Variants in RASSF3 observed in about 807,000 individuals in gnomAD.
RASSF3 encodes the protein Ras association domain family member 3, also known as ras association domain-containing protein 3.
A neutral mutation model predicts 19.9 loss-of-function variants in RASSF3; 19 were observed. The ratio of observed to expected loss-of-function variants is 0.96; its 90% confidence interval spans 0.67 to 1.40. The LOEUF is 1.40. Among genes scored for constraint, RASSF3 ranks in the 40% most tolerant of loss-of-function variants. The pLI, the probability that RASSF3 is intolerant of heterozygous loss-of-function variation, is 0.00. For missense variants in RASSF3, 306 were observed against 289.8 expected, an observed-to-expected ratio of 1.06 and a Z score of -0.41; for synonymous variants, 110 against 104.2, an observed-to-expected ratio of 1.06 and a Z score of -0.34.
intron 1 of RASSF3, among the ~76,000 whole-genome samples, chr12:64,536,419 T>C (rs1476230308): frequency 6.6e-6 from 1 of 152,176 alleles, no homozygotes; most frequent in Non-Finnish European, 1.5e-5. Flanking sequence ...GAAACAAAAA[T>C]GCATCAAAAG....
At chr12:64,677,726 C>T (rs528206564) in intron 1 of RASSF3, among the ~76,000 whole-genome samples, 3 of 152,314 alleles carry the variant, frequency 2.0e-5, no homozygotes, top group East Asian at 1.9e-4. Context: ...GGAAGACCCT[C>T]CTAGGGCTTT....
intron 1 of RASSF3, among the ~76,000 whole-genome samples, chr12:64,667,103 G>C (rs1051498707): frequency 2.0e-4 from 30 of 151,950 alleles, no homozygotes; most frequent in African/African-American, 7.2e-4. Context: ...GAAATGGGGG[G>C]GTGTGGAGAA....
chr12:64,622,666 C>G (rs1394213798), intron 1 of RASSF3: 1 of 267,968 alleles, frequency 3.7e-6, no homozygotes, highest in Non-Finnish European at 7.4e-6. Context: ...CTGATTAACT[C>G]CTACTTTAAA....
At chr12:64,668,057 C>T (rs1165664505) in intron 1 of RASSF3, among the ~76,000 whole-genome samples, 2 of 152,218 alleles carry the variant, frequency 1.3e-5, no homozygotes, top group South Asian at 4.1e-4. Flanking sequence ...GTGTTCACCA[C>T]ATTCTGCTTC....
intron 1 of RASSF3, among the ~76,000 whole-genome samples, chr12:64,641,414 A>ACACACACACGCGCGCGCGCGCG: frequency 1.5e-4 from 21 of 142,096 alleles, no homozygotes; most frequent in African/African-American, 5.9e-4. Context: ...ACACACACAC[A>ACACACACACGCGCGCGCGCGCG]CGCGCGCGCG....
At position 64,622,827 on chromosome 12, in the gene RASSF3, CT is replaced by C. The variant is rs1176018517; in HGVS notation, c.111+12095del. 5.0e-3 allele frequency among the ~76,000 whole-genome samples: 720 copies of C among 145,054 alleles called. 4 individuals are homozygous for C. The highest frequency in any genetic ancestry group is 0.016 in the African/African-American group (631 of 39,812). The stretch of plus-strand genomic sequence containing the variant: ...ACTGTGAAAATTTTCTTTTTTCTTT[CT>C]TTTTTTTTTTGAGATGGAGTCTTGC... On this transcript the variant is annotated intron_variant, in intron 1 of 4. Transcript: ENST00000542104.
intron 2 of RASSF3, among the ~76,000 whole-genome samples, chr12:64,590,277 A>G (rs1213815650): frequency 1.3e-5 from 2 of 151,990 alleles, no homozygotes; most frequent in Non-Finnish European, 2.9e-5. Context: ...GCCCTGTAAC[A>G]ATGTGTTCTG....
chr12:64,636,831 C>T (rs150421517), intron 1 of RASSF3, among the ~76,000 whole-genome samples: 384 of 149,382 alleles, frequency 2.6e-3, no homozygotes, highest in Middle Eastern at 0.01. Context: ...CGCCATTGCA[C>T]TCCAGCCTGG....
intron 1 of RASSF3, among the ~76,000 whole-genome samples, chr12:64,683,734 T>C (rs1181039855): frequency 6.6e-6 from 1 of 152,212 alleles, no homozygotes; most frequent in African/African-American, 2.4e-5. Context: ...TGTCTTTAAA[T>C]GTTGTTTAAA....
intron 2 of RASSF3, among the ~76,000 whole-genome samples, chr12:64,554,000 A>AAG (rs1449175030): frequency 3.3e-5 from 5 of 150,376 alleles, no homozygotes; most frequent in African/African-American, 1.2e-4. Context: ...AAAAGAAAGA[A>AAG]AAAAAAAAGT....
At chr12:64,648,188 TAGTG>T (rs1373068583) in intron 1 of RASSF3, among the ~76,000 whole-genome samples, 1 of 152,184 alleles carries the variant, frequency 6.6e-6, no homozygotes, top group East Asian at 1.9e-4. Flanking sequence ...GGCATAAACT[TAGTG>T]AGTAGGTGGC....
At chr12:64,577,553 G>A (rs1245084920) in intron 2 of RASSF3, among the ~76,000 whole-genome samples, 1 of 151,542 alleles carries the variant, frequency 6.6e-6, no homozygotes, top group African/African-American at 2.4e-5. Flanking sequence ...CAACATGGGG[G>A]AATCCCCGTC....
intron 3 of RASSF3, among the ~76,000 whole-genome samples, chr12:64,688,711 TGGG>T (rs1321928528): frequency 6.6e-6 from 1 of 151,262 alleles, no homozygotes; most frequent in Non-Finnish European, 1.5e-5. Flanking sequence ...GTGGTGTTGG[TGGG>T]GGGATGGGGC....
chr12:64,519,789 C>T (rs766518250), intron 1 of RASSF3, among the ~76,000 whole-genome samples: 39 of 151,728 alleles, frequency 2.6e-4, no homozygotes, highest in Non-Finnish European at 4.4e-4. Context: ...TATATAAACA[C>T]GTATATATGT....
downstream of RASSF3, among the ~76,000 whole-genome samples, chr12:64,544,677 T>G (rs1308184409): frequency 6.6e-6 from 1 of 151,970 alleles, no homozygotes; most frequent in Non-Finnish European, 1.5e-5. Context: ...ATTATCTGAG[T>G]GTCTTGTCAG....
chr12:64,622,677 T>G (rs754991505), intron 1 of RASSF3: 1 of 259,550 alleles, frequency 3.9e-6, no homozygotes, highest in Non-Finnish European at 7.7e-6. Context: ...CTACTTTAAA[T>G]TTTTTCTTTC....
At chr12:64,530,181 T>C (rs1441211333), upstream of RASSF3, among the ~76,000 whole-genome samples, 1 of 152,220 alleles carries the variant, frequency 6.6e-6, no homozygotes, top group African/African-American at 2.4e-5. Context: ...TTTGGGGCAT[T>C]ATATAAATGG....
At chr12:64,646,300 T>C (rs1223214747) in intron 1 of RASSF3, among the ~76,000 whole-genome samples, 3 of 152,216 alleles carry the variant, frequency 2.0e-5, no homozygotes, top group Admixed American at 6.5e-5. Flanking sequence ...GTTTTCTAAC[T>C]GTGTTAGACT....
chr12:64,565,819 G>C (rs1319509854), intron 2 of RASSF3, among the ~76,000 whole-genome samples: 4 of 151,274 alleles, frequency 2.6e-5, no homozygotes, highest in African/African-American at 9.7e-5. Context: ...GGAGGCGGAG[G>C]TTGCACTGAA....
Sources: allele counts gnomAD v4.1 joint callset (sites outside exome capture counted in the v4.1 genomes callset), GRCh38; gene constraint gnomAD v4.1.1; transcripts MANE v1.5; gene names NCBI Gene and HGNC (gene_info 2026-07-23, HGNC 2026-07-21).